CUBN: variants seen among roughly 807,000 people sequenced by gnomAD.
CUBN encodes the protein cubilin, also known as 460 kDa receptor.
A neutral mutation model predicts 405.3 loss-of-function variants in CUBN; 282 were observed. That is an observed-to-expected ratio of 0.70 (90% confidence interval 0.63 to 0.77). CUBN has a LOEUF of 0.77. Among genes scored for constraint, CUBN ranks in the 30% least tolerant of loss-of-function variants. The probability of loss-of-function intolerance (pLI) is 0.00; values close to 1 mark genes in which losing one functional copy is unlikely to be tolerated. For synonymous variants in CUBN, 1,684 were observed against 1,617.0 expected (o/e 1.04, Z -0.99); for missense variants, 4,514 against 4,475.2 (o/e 1.01, Z -0.25).
chr10:17,113,892 C>G, intron 8 of CUBN, 135 bp downstream of exon 8: 1 of 866,536 alleles, frequency 1.2e-6, no homozygotes. Flanking sequence ...GATCGTCGAG[C>G]AGAACCAGGA....
intron 9 of CUBN, among the ~76,000 whole-genome samples, chr10:17,110,386 GAC>G (rs1359274697): frequency 1.3e-5 from 2 of 152,182 alleles, no homozygotes; most frequent in African/African-American, 4.8e-5. Flanking sequence ...GTAGCTATTT[GAC>G]AGTTTGTAAA....
At chr10:16,896,811 T>C (rs1841196906) in intron 54 of CUBN, among the ~76,000 whole-genome samples, 1 of 152,232 alleles carries the variant, frequency 6.6e-6, no homozygotes, top group Non-Finnish European at 1.5e-5. Context: ...TTACTGTCCA[T>C]GAGTCCCTAA....
intron 62 of CUBN, among the ~76,000 whole-genome samples, chr10:16,838,119 T>C (rs189958054): frequency 3.0e-4 from 45 of 152,308 alleles, no homozygotes; most frequent in Admixed American, 1.3e-3. Context: ...CTTGTCCACC[T>C]TGGGAGCTCA....
At chr10:16,874,812 A>T (rs1020861098) in intron 57 of CUBN, among the ~76,000 whole-genome samples, 2 of 152,102 alleles carry the variant, frequency 1.3e-5, no homozygotes, top group East Asian at 3.9e-4. Context: ...TTTCACCATC[A>T]CTTAGCTGTA....
rs76351843 is a variant in CUBN, at chr10:16,913,502, G to A, written c.7533+309C>T. 8.5e-3 allele frequency among the ~76,000 whole-genome samples: 1,288 copies of A among 152,304 alleles called. 32 individuals are homozygous for A. Among genetic ancestry groups the A allele is most frequent in the South Asian group, 0.08 (385 of 4,816 alleles). ...TGTGCTGTGACTCTGGTCCCATTCA[G>A]CTGTGTGCTGCTGTAGGCTTAGCTT... On this transcript the variant is annotated intron_variant, in intron 48 of 66. Coordinates refer to ENST00000377833, the MANE Select transcript of CUBN (RefSeq NM_001081.4).
intron 60 of CUBN, among the ~76,000 whole-genome samples, chr10:16,845,560 A>G (rs1377403707): frequency 1.3e-5 from 2 of 152,248 alleles, no homozygotes; most frequent in African/African-American, 2.4e-5. Flanking sequence ...AAAAGCCACA[A>G]AGAAGCAATG....
At position 16,869,724 on chromosome 10, in the gene CUBN, C is replaced by T; in HGVS notation, c.9366G>A (p.Lys3122=). 1.9e-6 allele frequency: 3 copies of T among 1,614,064 alleles called. No individual in the cohort carries two copies. Among genetic ancestry groups the T allele is most frequent in the Middle Eastern group, 1.6e-4 (1 of 6,062 alleles). ...FCGSKRPPNV[K]SSNNSMLLVF... is the part of the protein sequence containing the mutation. ...CCAGGAGCATACTATTATTGCTGCT[C>T]TTCACATTTGGTGGGCGCTTGGAAC... Residue 3122 remains lysine (K), a synonymous_variant, in exon 59 of 67, where the codon AAG becomes AAA. Coordinates refer to ENST00000377833, the MANE Select transcript of CUBN (RefSeq NM_001081.4).
chr10:16,836,095 A>T, intron 63 of CUBN, 140 bp downstream of exon 63: 1 of 811,284 alleles, frequency 1.2e-6, no homozygotes, highest in Non-Finnish European at 2.1e-6. Context: ...GCTGGGTTCT[A>T]GTTAAGAGAG....
At chr10:16,922,065 T>C (rs1376839781) in intron 43 of CUBN, among the ~76,000 whole-genome samples, 1 of 152,150 alleles carries the variant, frequency 6.6e-6, no homozygotes, top group Non-Finnish European at 1.5e-5. Context: ...TTTCACCATA[T>C]GGCATATTAT....
rs890430104 is a variant in CUBN, at chr10:16,994,596, A to G, written c.4169-4081T>C. Among the ~76,000 whole-genome samples, 37 of 152,226 alleles carry G rather than the reference A, an allele frequency of 2.4e-4. 2 individuals carry two copies. Among genetic ancestry groups the G allele is most frequent in the Admixed American group, 2.2e-3 (34 of 15,282 alleles). On this transcript the variant is annotated intron_variant, in intron 28 of 66. Coordinates refer to ENST00000377833, the MANE Select transcript of CUBN (RefSeq NM_001081.4). ...GAGAGGAAAGAAGTTATATAAACCA[A>G]TACCCATCAGGAAATAACACAGGCA...
At chr10:16,865,325 T>A (rs1192829105) in intron 59 of CUBN, among the ~76,000 whole-genome samples, 1 of 152,108 alleles carries the variant, frequency 6.6e-6, no homozygotes, top group African/African-American at 2.4e-5. Flanking sequence ...CCTTGTTATA[T>A]ATGTGCTTGG....
chr10:17,013,152 T>C (rs1319301464), intron 28 of CUBN, among the ~76,000 whole-genome samples: 5 of 152,200 alleles, frequency 3.3e-5, no homozygotes, highest in Non-Finnish European at 7.3e-5. Flanking sequence ...CTGTTTTTTC[T>C]TTACTACTTC....
intron 37 of CUBN, 68 bp downstream of exon 37, chr10:16,939,964 G>T: frequency 1.6e-6 from 2 of 1,285,616 alleles, no homozygotes; most frequent in South Asian, 2.4e-5. Context: ...ATATATTACT[G>T]AGAAAATTAT....
At chr10:17,117,653 C>G (rs1435367769) in intron 6 of CUBN, among the ~76,000 whole-genome samples, 1 of 152,206 alleles carries the variant, frequency 6.6e-6, no homozygotes, top group Non-Finnish European at 1.5e-5. Flanking sequence ...TGGTCTCGAA[C>G]TCTTGACCTC....
At chr10:16,915,775 C>T in intron 46 of CUBN, 46 bp downstream of exon 46, 1 of 1,486,842 alleles carries the variant, frequency 6.7e-7, no homozygotes, top group East Asian at 2.3e-5. Context: ...TGAATAAGTA[C>T]ATGTGAAAAT....
At chr10:16,923,209 C>T (rs766989515) in intron 43 of CUBN, among the ~76,000 whole-genome samples, 15 of 151,888 alleles carry the variant, frequency 9.9e-5, no homozygotes, top group Non-Finnish European at 1.6e-4. Flanking sequence ...TGGCAGAACT[C>T]GGTGGTTTGC....
intron 29 of CUBN, among the ~76,000 whole-genome samples, chr10:16,989,424 A>G (rs143469370): frequency 0.026 from 3,910 of 148,232 alleles, 168 homozygotes; most frequent in East Asian, 0.2. Context: ...TATACTACAT[A>G]ATATATTACA....
chr10:17,092,700 C>T (rs1448081906), intron 14 of CUBN, among the ~76,000 whole-genome samples: 1 of 152,124 alleles, frequency 6.6e-6, no homozygotes, highest in Admixed American at 6.6e-5. Context: ...GAAGTTACCC[C>T]ACATGGTCTA....
rs775165958 is a variant in CUBN, at chr10:16,982,609, G to C, written c.4570C>G (p.Pro1524Ala). 6 of 1,613,496 alleles carry C rather than the reference G, an allele frequency of 3.7e-6. No homozygotes were observed. The South Asian group carries it at 4.4e-5, about 12-fold the overall frequency. Reference protein sequence around the residue: ...FQAPSGEIHSPNYPSPYRSNT... With the variant: ...FQAPSGEIHSANYPSPYRSNT... ...CTCCTATAAGGACTGGGGTAATTTG[G>C]AGAATGAATCTCTCCACTGGGAGCC... Residue 1524 changes from proline to alanine, a missense_variant, in exon 31 of 67, where the codon CCA becomes GCA. By Grantham distance (27) the Pro-to-Ala change is conservative (BLOSUM62 -1). This residue lies in a region of CUBN where 1,613 missense variants were observed against 1,542.8 expected (regional missense o/e 1.05). Coordinates refer to ENST00000377833, the MANE Select transcript of CUBN (RefSeq NM_001081.4).
Sources: gnomAD v4.1 joint callset for allele counts (sites outside exome capture counted in the v4.1 genomes callset) on GRCh38, gnomAD v4.1.1 for gene constraint, gnomAD v4.1.1 regional missense constraint, MANE v1.5 for transcripts, NCBI Gene and HGNC (gene_info 2026-07-23, HGNC 2026-07-21) for gene names.